KLRG1: variants seen among roughly 807,000 people sequenced by gnomAD.
KLRG1 encodes the protein killer cell lectin-like receptor subfamily G member 1.
In KLRG1, 16 loss-of-function variants were observed where a neutral mutation model predicts 21.8. That is an observed-to-expected ratio of 0.73 (90% CI 0.50 to 1.11). The LOEUF is 1.11. KLRG1 is among the 50% of genes most tolerant of loss of function. KLRG1 has a pLI of 0.00. For missense variants in KLRG1, 173 were observed against 218.3 expected (o/e 0.79, Z 1.31); for synonymous variants, 69 against 75.9 (o/e 0.91, Z 0.47).
chr12:9,126,525 T>A, the KLRG1 span, among the ~76,000 whole-genome samples: 1 of 152,204 alleles, frequency 6.6e-6, no homozygotes, highest in Non-Finnish European at 1.5e-5. Flanking sequence ...GCCCATCTGA[T>A]TTCTAAATAT....
chr12:9,029,913 C>A, the KLRG1 span, among the ~76,000 whole-genome samples: 2 of 152,028 alleles, frequency 1.3e-5, no homozygotes, highest in Non-Finnish European at 2.9e-5. Flanking sequence ...CAGGCCACCA[C>A]ACCCTAATTT....
the KLRG1 span, among the ~76,000 whole-genome samples, chr12:9,026,333 GT>G: frequency 2.0e-5 from 3 of 152,208 alleles, no homozygotes; most frequent in East Asian, 5.8e-4. Flanking sequence ...GTTTTCTCAT[GT>G]TTTGAAAGCA....
the KLRG1 span, among the ~76,000 whole-genome samples, chr12:9,050,981 G>T: frequency 1.3e-5 from 2 of 152,182 alleles, no homozygotes; most frequent in African/African-American, 4.8e-5. Flanking sequence ...GGAAGGGGGC[G>T]GGCCCCCAGT....
At chr12:9,129,538 T>C in the KLRG1 span, among the ~76,000 whole-genome samples, 30 of 152,216 alleles carry the variant, frequency 2.0e-4, no homozygotes, top group African/African-American at 7.0e-4. Flanking sequence ...ATAATATATA[T>C]GAAGATGCAG....
chr12:9,068,355 C>A, the KLRG1 span: 2 of 891,756 alleles, frequency 2.2e-6, no homozygotes, highest in Admixed American at 2.5e-5. Context: ...GAAACATAAG[C>A]ATCATTCATC....
the KLRG1 span, among the ~76,000 whole-genome samples, chr12:9,092,805 A>G: frequency 6.6e-6 from 1 of 152,230 alleles, no homozygotes; most frequent in South Asian, 2.1e-4. Context: ...GTAGAGATAT[A>G]TGTGTTTTGG....
the KLRG1 span, chr12:9,180,845 C>T: frequency 3.0e-5 from 24 of 792,088 alleles, no homozygotes; most frequent in Non-Finnish European, 4.1e-5. Flanking sequence ...AAAGAAACTA[C>T]CATCAGAGTG....
the KLRG1 span, among the ~76,000 whole-genome samples, chr12:9,073,605 T>C: frequency 6.6e-6 from 1 of 152,238 alleles, no homozygotes; most frequent in African/African-American, 2.4e-5. Flanking sequence ...TAGGATGGAA[T>C]GCCATTTTGT....
the KLRG1 span, among the ~76,000 whole-genome samples, chr12:9,201,835 C>A: frequency 1.3e-5 from 2 of 151,812 alleles, no homozygotes; most frequent in African/African-American, 2.4e-5. Flanking sequence ...TTCCTTTGCA[C>A]TAATATTGAA....
At chr12:9,047,880 G>T in the KLRG1 span, among the ~76,000 whole-genome samples, 4 of 152,140 alleles carry the variant, frequency 2.6e-5, no homozygotes, top group Non-Finnish European at 5.9e-5. Context: ...GGCAAAAACC[G>T]ATAGAACTGC....
At chr12:9,144,753 A>G in the KLRG1 span, among the ~76,000 whole-genome samples, 4 of 152,116 alleles carry the variant, frequency 2.6e-5, no homozygotes, top group Non-Finnish European at 5.9e-5. Context: ...GGTCAGAGGG[A>G]AAGTTATCTT....
chr12:9,156,354 A>G, the KLRG1 span: 1 of 195,164 alleles, frequency 5.1e-6, no homozygotes, highest in Non-Finnish European at 1.1e-5. Flanking sequence ...ACCTCCAGGC[A>G]CAGTCCTTCC....
At chr12:9,196,648 G>A in the KLRG1 span, 1 of 1,613,554 alleles carries the variant, frequency 6.2e-7, no homozygotes, top group Middle Eastern at 1.7e-4. Flanking sequence ...GAGCATTTTG[G>A]TGTGTACTTG....
At chr12:9,089,961 C>T in the KLRG1 span, 6 of 1,612,350 alleles carry the variant, frequency 3.7e-6, no homozygotes, top group South Asian at 1.1e-5. Flanking sequence ...ACTGAAGGCA[C>T]CTCAGTCCCA....
intron 3 of KLRG1, among the ~76,000 whole-genome samples, chr12:9,003,288 A>G (rs1331194719): frequency 3.3e-5 from 5 of 152,082 alleles, no homozygotes; most frequent in African/African-American, 1.2e-4. Flanking sequence ...TGTTTTTCTC[A>G]TTATCAGTGG....
At chr12:9,128,175 G>A in the KLRG1 span, 4 of 201,476 alleles carry the variant, frequency 2.0e-5, no homozygotes, top group East Asian at 3.7e-4. Context: ...GCTGCGGGTG[G>A]CCAGGTCAGT....
At chr12:9,134,341 A>G in the KLRG1 span, among the ~76,000 whole-genome samples, 1 of 152,218 alleles carries the variant, frequency 6.6e-6, no homozygotes, top group African/African-American at 2.4e-5. Context: ...ATACACCCAT[A>G]CATCTCTATT....
chr12:9,106,453 C>T, the KLRG1 span: 4 of 1,453,610 alleles, frequency 2.8e-6, no homozygotes, highest in East Asian at 2.3e-5. Flanking sequence ...AAATCAATGC[C>T]TGTTGTGTTT....
the KLRG1 span, among the ~76,000 whole-genome samples, chr12:9,082,574 A>T: frequency 8.5e-5 from 13 of 152,334 alleles, no homozygotes; most frequent in Admixed American, 2.6e-4. Context: ...CTGCCAAAGA[A>T]TACCTATAAA....
Sources: gnomAD v4.1 joint callset for allele counts (sites outside exome capture counted in the v4.1 genomes callset) on GRCh38, gnomAD v4.1.1 for gene constraint, MANE v1.5 for transcripts, NCBI Gene and HGNC (gene_info 2026-07-23, HGNC 2026-07-21) for gene names.